STAG1: variants seen among roughly 807,000 people sequenced by gnomAD.
STAG1 encodes the protein cohesin subunit SA-1.
A neutral mutation model predicts 170.9 loss-of-function variants in STAG1; 26 were observed. That is an observed-to-expected ratio of 0.15 (90% CI 0.11 to 0.21). The LOEUF (loss-of-function observed/expected upper bound fraction) is 0.21. STAG1 is among the 10% of genes least tolerant of loss of function. The pLI, the probability that STAG1 is intolerant of heterozygous loss-of-function variation, is 1.00. For synonymous variants in STAG1, 514 were observed against 497.7 expected (o/e 1.03, Z -0.44); for missense variants, 964 against 1,509.5 (o/e 0.64, Z 5.99).
At chr3:136,593,602 C>T (rs944246684) in intron 4 of STAG1, among the ~76,000 whole-genome samples, 3 of 152,240 alleles carry the variant, frequency 2.0e-5, no homozygotes, top group African/African-American at 4.8e-5. Context: ...CCACCAGTCC[C>T]CATGGAAAAG....
At chr3:136,467,541 C>G (rs894183846) in intron 12 of STAG1, among the ~76,000 whole-genome samples, 6 of 152,162 alleles carry the variant, frequency 3.9e-5, no homozygotes, top group African/African-American at 4.8e-5. Context: ...GAGAGTTAGA[C>G]TCCCACACAA....
chr3:136,722,834 G>A (rs1214991366), intron 1 of STAG1, among the ~76,000 whole-genome samples: 2 of 152,152 alleles, frequency 1.3e-5, no homozygotes, highest in African/African-American at 4.8e-5. Flanking sequence ...TGCGATTGCA[G>A]GCGCGCGCCA....
chr3:136,720,731 G>A (rs1933201347), intron 1 of STAG1, among the ~76,000 whole-genome samples: 2 of 152,078 alleles, frequency 1.3e-5, no homozygotes, highest in African/African-American at 4.8e-5. Flanking sequence ...GGAGGTTGCA[G>A]TGAGCCAAGA....
chr3:136,720,329 A>G (rs746376778), intron 1 of STAG1, among the ~76,000 whole-genome samples: 18 of 152,202 alleles, frequency 1.2e-4, no homozygotes, highest in Non-Finnish European at 2.2e-4. Context: ...GTAAATGATT[A>G]TATCAAGCTG....
At chr3:136,625,915 CA>C (rs1443275021) in intron 2 of STAG1, among the ~76,000 whole-genome samples, 1 of 152,186 alleles carries the variant, frequency 6.6e-6, no homozygotes, top group African/African-American at 2.4e-5. Context: ...AGACTGGGCG[CA>C]GTGGCTCATG....
chr3:136,477,389 G>A lies in STAG1; in HGVS notation c.926C>T (p.Ala309Val). 1.2e-6 allele frequency: 2 copies of A among 1,610,930 alleles called. No individual in the cohort carries two copies. The highest frequency in any genetic ancestry group is 1.1e-5 in the South Asian group (1 of 90,664). Residue 309 changes from alanine (A) to valine (V), a missense_variant, in exon 10 of 34, where the codon GCC (alanine) becomes GTC (valine). Transcript: ENST00000383202. ...TACTCCAATTTCTTCAATACAAATG[G>A]CTCTAATCTCAGCAATAGCATCACT... ...RYRDAIAEIR[A>V]ICIEEIGVWM...
chr3:136,543,469 G>A (rs180942244), intron 5 of STAG1, among the ~76,000 whole-genome samples: 88 of 152,204 alleles, frequency 5.8e-4, no homozygotes, highest in Middle Eastern at 3.4e-3. Context: ...TGGAAAACAC[G>A]CTCTTGTATA....
intron 5 of STAG1, among the ~76,000 whole-genome samples, chr3:136,563,556 G>C (rs1368574199): frequency 6.9e-6 from 1 of 144,572 alleles, no homozygotes; most frequent in African/African-American, 2.6e-5. Flanking sequence ...TCTCTCTCTC[G>C]CTCTTTAGGT....
chr3:136,415,325 A>AAAAAT, intron 21 of STAG1, among the ~76,000 whole-genome samples: 1 of 151,370 alleles, frequency 6.6e-6, no homozygotes, highest in East Asian at 1.9e-4. Flanking sequence ...AAAAAAAACA[A>AAAAAT]AAGACAAACA....
intron 22 of STAG1, among the ~76,000 whole-genome samples, chr3:136,382,077 T>C (rs371930866): frequency 6.6e-6 from 1 of 152,236 alleles, no homozygotes; most frequent in Non-Finnish European, 1.5e-5. Context: ...GGGCAACTTA[T>C]AATGTGTTAA....
intron 1 of STAG1, among the ~76,000 whole-genome samples, chr3:136,703,066 C>CAAAAAAAAAAAAAAAAAAAAAAAAAA (rs1157305676): frequency 1.3e-5 from 1 of 75,736 alleles, no homozygotes; most frequent in African/African-American, 4.6e-5. Flanking sequence ...GACTCCATCT[C>CAAAAAAAAAAAAAAAAAAAAAAAAAA]AAAAAAAAAA....
chr3:136,347,058 G>A (rs539860145), intron 29 of STAG1, among the ~76,000 whole-genome samples: 45 of 148,320 alleles, frequency 3.0e-4, no homozygotes, highest in African/African-American at 7.5e-4. Flanking sequence ...CAGCCTGGGC[G>A]ACAGAGTGAG....
chr3:136,340,657 G>A, intron 31 of STAG1, 52 bp from the exon 32 acceptor site: 1 of 1,179,588 alleles, frequency 8.5e-7, no homozygotes, highest in Non-Finnish European at 1.3e-6. Flanking sequence ...ACCATTTGGA[G>A]TCCTGGCTGT....
intron 1 of STAG1, among the ~76,000 whole-genome samples, chr3:136,702,604 T>G (rs1309255471): frequency 6.6e-6 from 1 of 152,034 alleles, no homozygotes; most frequent in African/African-American, 2.4e-5. Context: ...CAGGCTAGTC[T>G]CGAACTCCTG....
intron 2 of STAG1, among the ~76,000 whole-genome samples, chr3:136,627,841 C>A (rs904150391): frequency 2.6e-5 from 4 of 152,056 alleles, no homozygotes; most frequent in African/African-American, 9.7e-5. Flanking sequence ...ATTCTGTCTA[C>A]CTCTTTCTAT....
At chr3:136,636,363 T>C (rs1940559491) in intron 1 of STAG1, among the ~76,000 whole-genome samples, 1 of 152,158 alleles carries the variant, frequency 6.6e-6, no homozygotes, top group South Asian at 2.1e-4. Context: ...AAAATTATAA[T>C]TATGACAATG....
At chr3:136,362,619 A>G (rs1224137087) in intron 26 of STAG1, among the ~76,000 whole-genome samples, 3 of 150,682 alleles carry the variant, frequency 2.0e-5, no homozygotes, top group East Asian at 3.9e-4. Flanking sequence ...AAAAAAAAAA[A>G]AAAGAAAAAA....
intron 1 of STAG1, among the ~76,000 whole-genome samples, chr3:136,685,620 C>A (rs111478024): frequency 1.2e-3 from 177 of 152,222 alleles, no homozygotes; most frequent in African/African-American, 2.5e-3. Flanking sequence ...GAAATGAGCT[C>A]TAAGTCTTGA....
intron 1 of STAG1, among the ~76,000 whole-genome samples, chr3:136,685,460 C>T (rs1174328692): frequency 6.6e-6 from 1 of 152,110 alleles, no homozygotes; most frequent in Non-Finnish European, 1.5e-5. Flanking sequence ...TCATAAGATC[C>T]AGCAACTGTA....
Sources: allele counts gnomAD v4.1 joint callset (sites outside exome capture counted in the v4.1 genomes callset), GRCh38; gene constraint gnomAD v4.1.1; transcripts MANE v1.5; gene names NCBI Gene and HGNC (gene_info 2026-07-23, HGNC 2026-07-21).